Variants in ITSN1 observed in about 807,000 individuals in gnomAD.
ITSN1 encodes intersectin-1.
In ITSN1, 58 loss-of-function variants were observed where a neutral mutation model predicts 239.8. The observed-to-expected ratio is 0.24, with a 90% CI of 0.20 to 0.30. ITSN1 has a LOEUF of 0.30. Ranked by LOEUF, ITSN1 falls within the 10% of genes least tolerant of loss-of-function variation. The pLI, the probability that ITSN1 is intolerant of heterozygous loss-of-function variation, is 1.00. For synonymous variants in ITSN1, 780 were observed against 770.8 expected (o/e 1.01, Z -0.20); for missense variants, 1,558 against 2,103.3 (o/e 0.74, Z 5.07).
chr21:33,739,268 A>T (rs1224253902), intron 5 of ITSN1, among the ~76,000 whole-genome samples: 1 of 152,196 alleles, frequency 6.6e-6, no homozygotes, highest in Non-Finnish European at 1.5e-5. Context: ...AGGAAATTCT[A>T]TGGGTAGACT....
At chr21:33,840,791 C>T (rs1426425732) in intron 29 of ITSN1, among the ~76,000 whole-genome samples, 1 of 152,206 alleles carries the variant, frequency 6.6e-6, no homozygotes, top group East Asian at 1.9e-4. Context: ...AGCCACTGTG[C>T]CCAGTCTGTT....
At chr21:33,817,683 G>A in intron 22 of ITSN1, 7 of 1,093,764 alleles carry the variant, frequency 6.4e-6, no homozygotes, top group Non-Finnish European at 8.2e-6. Context: ...TTTTTCATCT[G>A]TAATCTCATG....
intron 29 of ITSN1, among the ~76,000 whole-genome samples, chr21:33,841,266 C>T (rs1050624641): frequency 1.3e-5 from 2 of 152,204 alleles, no homozygotes; most frequent in African/African-American, 4.8e-5. Flanking sequence ...GTAACACTAG[C>T]TTAGGAAAAC....
chr21:33,727,622 A>G (rs2065905853), intron 4 of ITSN1, among the ~76,000 whole-genome samples: 1 of 151,768 alleles, frequency 6.6e-6, no homozygotes, highest in African/African-American at 2.4e-5. Flanking sequence ...AAAAAAAAAA[A>G]AAAGAATAAG....
rs111792732 is a variant in ITSN1 at position 33,718,681 on chromosome 21, G to A, written c.-32-116G>A. ...AATGAATGAATTCCTTAATTGTAGAGCTATGCTCTGGCTCTAGTATTAGTC... is the reference window on the plus strand; with the variant it reads ...AATGAATGAATTCCTTAATTGTAGAACTATGCTCTGGCTCTAGTATTAGTC... On this transcript the variant is annotated intron_variant, in intron 1 of 39. Transcript: ENST00000381318. 0.011 allele frequency: 7,966 copies of A among 713,194 alleles called. 497 individuals are homozygous for A. In the African/African-American group the frequency reaches 0.13, roughly 12 times the overall value. The allele number at this position is 713,194 out of a possible 1,614,324, so 44.2% of individuals were successfully genotyped here. A position where few individuals can be genotyped will look rare whatever the true frequency, so the allele number is the denominator to read the frequency against.
chr21:33,808,228 C>T (rs907556427), intron 20 of ITSN1, among the ~76,000 whole-genome samples: 7 of 151,430 alleles, frequency 4.6e-5, no homozygotes, highest in African/African-American at 7.3e-5. Context: ...TAGAATAGGA[C>T]AGAAGCCCAA....
chr21:33,799,049 G>A (rs146147245), intron 18 of ITSN1, among the ~76,000 whole-genome samples: 11 of 152,180 alleles, frequency 7.2e-5, no homozygotes, highest in East Asian at 1.9e-4. Flanking sequence ...CTTCCCCCTC[G>A]TTGCTTTTCA....
intron 6 of ITSN1, 41 bp from the exon 7 acceptor site, chr21:33,751,764 TTCTTA>T (rs750890238): frequency 1.4e-6 from 2 of 1,433,644 alleles, no homozygotes; most frequent in South Asian, 1.2e-5. Context: ...TGGGGAAAGT[TTCTTA>T]TCTTTGTAGA....
intron 16 of ITSN1, among the ~76,000 whole-genome samples, chr21:33,785,984 T>C (rs756058621): frequency 6.6e-6 from 1 of 152,170 alleles, no homozygotes; most frequent in Non-Finnish European, 1.5e-5. Flanking sequence ...GGGTTTTAAA[T>C]AAGTCTGTAA....
At chr21:33,654,219 A>AT (rs912312736) in intron 1 of ITSN1, among the ~76,000 whole-genome samples, 2,709 of 133,310 alleles carry the variant, frequency 0.02, 46 homozygotes, top group South Asian at 0.033. Context: ...CACCTGGCTA[A>AT]TTTTTTTTTT....
At chr21:33,705,835 A>G (rs2092230511) in intron 1 of ITSN1, among the ~76,000 whole-genome samples, 1 of 152,144 alleles carries the variant, frequency 6.6e-6, no homozygotes, top group East Asian at 1.9e-4. Flanking sequence ...ACTGAAGTTC[A>G]TTTCTCCTAT....
At chr21:33,792,201 CTTTTTTA>C (rs1446999759) in intron 16 of ITSN1, among the ~76,000 whole-genome samples, 1 of 151,858 alleles carries the variant, frequency 6.6e-6, no homozygotes, top group Non-Finnish European at 1.5e-5. Context: ...AGTTCTGTAC[CTTTTTTA>C]TTTTTTATTT....
intron 22 of ITSN1, 82 bp from the exon 23 acceptor site, chr21:33,818,185 G>A (rs2073414083): frequency 8.7e-7 from 1 of 1,147,852 alleles, no homozygotes; most frequent in Non-Finnish European, 1.3e-6. Flanking sequence ...TGTGCTTGTT[G>A]GAGAGGTGCC....
intron 1 of ITSN1, among the ~76,000 whole-genome samples, chr21:33,666,067 T>C (rs1302892722): frequency 1.3e-5 from 2 of 152,154 alleles, no homozygotes; most frequent in African/African-American, 4.8e-5. Context: ...TAGCTGGGAT[T>C]ACAGGTGCCC....
intron 1 of ITSN1, among the ~76,000 whole-genome samples, chr21:33,711,652 T>TTGTGTGTGTGTG (rs58696981): frequency 7.4e-6 from 1 of 134,792 alleles, no homozygotes; most frequent in African/African-American, 2.6e-5. Context: ...TTTCTGTGTG[T>TTGTGTGTGTGTG]TGTGTGTGTG....
At chr21:33,790,302 G>C (rs1457859096) in intron 16 of ITSN1, among the ~76,000 whole-genome samples, 1 of 147,234 alleles carries the variant, frequency 6.8e-6, no homozygotes, top group African/African-American at 2.5e-5. Flanking sequence ...ATATATGTGT[G>C]TAGTATATAT....
At chr21:33,727,806 C>T (rs575314946) in intron 4 of ITSN1, among the ~76,000 whole-genome samples, 38 of 151,866 alleles carry the variant, frequency 2.5e-4, no homozygotes, top group Non-Finnish European at 4.7e-4. Flanking sequence ...AGTCCATCAA[C>T]GTAATTGCAT....
chr21:33,673,992 C>T (rs578157708), intron 1 of ITSN1, among the ~76,000 whole-genome samples: 6 of 152,168 alleles, frequency 3.9e-5, no homozygotes, highest in Admixed American at 2.0e-4. Context: ...TGTATTTCTT[C>T]TAGATTGGGC....
At chr21:33,708,295 TG>T (rs1797411639) in intron 1 of ITSN1, among the ~76,000 whole-genome samples, 1 of 136,960 alleles carries the variant, frequency 7.3e-6, no homozygotes, top group Non-Finnish European at 1.5e-5. Flanking sequence ...GTGTTTTCTT[TG>T]TGGTTTGCTT....
Sources: allele counts gnomAD v4.1 joint callset (sites outside exome capture counted in the v4.1 genomes callset), GRCh38; gene constraint gnomAD v4.1.1; transcripts MANE v1.5; gene names NCBI Gene and HGNC (gene_info 2026-07-23, HGNC 2026-07-21).